Variants in PPP1R9A observed in about 807,000 individuals in gnomAD.
PPP1R9A encodes neurabin-1.
PPP1R9A carries 59 observed loss-of-function variants against 141.9 expected under a neutral mutation model. The ratio of observed to expected loss-of-function variants is 0.42; its 90% CI spans 0.34 to 0.52. PPP1R9A has a LOEUF of 0.52. Among genes scored for constraint, PPP1R9A ranks in the 20% least tolerant of loss-of-function variants. The pLI, the probability that PPP1R9A is intolerant of heterozygous loss-of-function variation, is 0.10. For missense variants in PPP1R9A, 1,444 were observed against 1,611.9 expected (o/e 0.90, Z 1.78); for synonymous variants, 500 against 569.7 (o/e 0.88, Z 1.74).
At chr7:94,918,082 T>C (rs1212426037) in intron 2 of PPP1R9A, among the ~76,000 whole-genome samples, 1 of 152,248 alleles carries the variant, frequency 6.6e-6, no homozygotes, top group Non-Finnish European at 1.5e-5. Flanking sequence ...CTTGATTTTC[T>C]ATGCTCTCAT....
chr7:94,978,535 A>G (rs767140666), intron 2 of PPP1R9A, among the ~76,000 whole-genome samples: 10 of 152,178 alleles, frequency 6.6e-5, no homozygotes, highest in Non-Finnish European at 1.5e-4. Flanking sequence ...AAAATTTTAC[A>G]TTGCCAATTC....
intron 2 of PPP1R9A, among the ~76,000 whole-genome samples, chr7:95,064,617 A>G (rs1191662737): frequency 6.6e-6 from 1 of 152,244 alleles, no homozygotes; most frequent in Non-Finnish European, 1.5e-5. Context: ...GGCAACTCAA[A>G]GTTTTTGTCA....
At position 95,012,991 on chromosome 7, in the gene PPP1R9A, G is replaced by T. The variant is rs1366635481; in HGVS notation, c.1396-98268G>T. Among the ~76,000 whole-genome samples the T allele has an allele frequency of 2.0e-5, 3 of 152,238 alleles. No homozygotes were observed. In the East Asian group the frequency reaches 5.8e-4, roughly 29 times the overall value. On this transcript the variant is annotated intron_variant, in intron 2 of 19. Transcript: ENST00000433360. ...CCCTTCCATTTTTTTTGTATATGTA[G>T]TAGGTTTTATTGAAGAGTTGGGAAG...
intron 2 of PPP1R9A, among the ~76,000 whole-genome samples, chr7:95,091,659 T>C (rs921588452): frequency 6.6e-6 from 1 of 151,866 alleles, no homozygotes; most frequent in Non-Finnish European, 1.5e-5. Flanking sequence ...TCTTTGTAGA[T>C]GAAAAATTAC....
intron 7 of PPP1R9A, among the ~76,000 whole-genome samples, chr7:95,204,990 G>A (rs1213474750): frequency 3.0e-5 from 4 of 131,588 alleles, no homozygotes; most frequent in African/African-American, 5.7e-5. Flanking sequence ...CACCACAGAC[G>A]CACACACCAT....
chr7:95,251,993 T>G lies in PPP1R9A; in HGVS notation c.2528T>G (p.Leu843Arg), dbSNP rs199641277. 6.2e-6 allele frequency: 10 copies of G among 1,609,572 alleles called. No homozygotes were observed. The highest frequency in any genetic ancestry group is 8.5e-6 in the Non-Finnish European group (10 of 1,178,920). ...TTGGAAGCTGAGGTATTCAGGCTAC[T>G]GAAGCAAAATGGGACTCAAGTTAAC... ...RDLEAEVFRL[L>R]KQNGTQVNNN... The change falls in exon 12 of 20, where the codon CTG (leucine) becomes CGG (arginine). Residue 843 changes from leucine to arginine, a missense_variant. Transcript: ENST00000433360.
intron 5 of PPP1R9A, among the ~76,000 whole-genome samples, chr7:95,192,738 C>T (rs972352994): frequency 6.6e-6 from 1 of 152,002 alleles, no homozygotes; most frequent in African/African-American, 2.4e-5. Context: ...GTTGGTTTTC[C>T]CTTTTACTTA....
In PPP1R9A at chr7:95,198,485, G is replaced by T; in HGVS notation, c.1890+1G>T. On this transcript the variant is annotated splice_donor_variant, in intron 6 of 19. Coordinates refer to ENST00000433360, the MANE Select transcript of PPP1R9A (RefSeq NM_001166160.2). LOFTEE classifies it high-confidence loss of function. ...CCAGTATGATGCCGACGATGACGAG[G>T]TCAGTAGTGCTTGCAAAGATTCTTT... 1 of 1,556,198 alleles carries T rather than the reference G, an allele frequency of 6.4e-7. No homozygotes were observed. Among genetic ancestry groups the T allele is most frequent in the Non-Finnish European group, 8.7e-7 (1 of 1,153,038 alleles).
chr7:94,911,393 G>C lies in PPP1R9A; in HGVS notation c.1280G>C (p.Ser427Thr). ...TGTEQDEEEDSDENSYYQPDM... is the reference protein window; with the variant it reads ...TGTEQDEEEDTDENSYYQPDM... ...ACTGAGCAGGATGAGGAGGAAGATA[G>C]TGATGAGAACAGTTACTATCAGCCT... The change falls in exon 2 of 20, where the codon AGT (serine) becomes ACT (threonine). Residue 427 changes from serine (S) to threonine (T), a missense_variant. By Grantham distance (58) the Ser-to-Thr change is moderately conservative (BLOSUM62 1). Around this residue, in one of 5 missense-constraint regions of PPP1R9A, gnomAD observed 490 missense variants for 521.1 expected, o/e 0.94. Coordinates refer to ENST00000433360, the MANE Select transcript of PPP1R9A (RefSeq NM_001166160.2). 1.2e-6 allele frequency: 2 copies of C among 1,614,108 alleles called. No individual in the cohort carries two copies. Among genetic ancestry groups the C allele is most frequent in the Non-Finnish European group, 1.7e-6 (2 of 1,179,974 alleles).
chr7:95,164,383 A>G (rs892622273), intron 5 of PPP1R9A, among the ~76,000 whole-genome samples: 1 of 151,486 alleles, frequency 6.6e-6, no homozygotes. Context: ...CCTTTATAGT[A>G]TTTTCTTTTT....
rs1485009442 is a variant in PPP1R9A, at chr7:95,080,394, A to T, written c.1396-30865A>T. On this transcript the variant is annotated intron_variant, in intron 2 of 19. Coordinates refer to ENST00000433360, the MANE Select transcript of PPP1R9A (RefSeq NM_001166160.2). Reference sequence around the variant, plus strand: ...ATCCAACTTACAAGGGACGTGAAGGACCTCTTCAAGGAGAACTACAAACCA... The same window carrying T: ...ATCCAACTTACAAGGGACGTGAAGGTCCTCTTCAAGGAGAACTACAAACCA... Among the ~76,000 whole-genome samples, 4 of 151,842 alleles carry T rather than the reference A, an allele frequency of 2.6e-5. No homozygotes were observed. In the South Asian group the frequency reaches 8.3e-4, roughly 32 times the overall value.
chr7:95,278,565 C>G (rs912358214), intron 16 of PPP1R9A, among the ~76,000 whole-genome samples: 1 of 152,028 alleles, frequency 6.6e-6, no homozygotes, highest in African/African-American at 2.4e-5. Context: ...CCCCATTATT[C>G]AGTTGGTCTA....
intron 5 of PPP1R9A, among the ~76,000 whole-genome samples, chr7:95,173,390 T>C (rs1429411288): frequency 6.6e-6 from 1 of 151,754 alleles, no homozygotes; most frequent in Non-Finnish European, 1.5e-5. Flanking sequence ...ATGCAATATA[T>C]CCATGTAACA....
chr7:95,201,214 A>T (rs1789502629), intron 6 of PPP1R9A, among the ~76,000 whole-genome samples: 1 of 148,834 alleles, frequency 6.7e-6, no homozygotes, highest in African/African-American at 2.6e-5. Flanking sequence ...TTTTTTAATT[A>T]GTTTAGCTTT....
At chr7:94,979,209 T>C (rs1382962949) in intron 2 of PPP1R9A, among the ~76,000 whole-genome samples, 3 of 152,246 alleles carry the variant, frequency 2.0e-5, no homozygotes, top group African/African-American at 7.2e-5. Context: ...TTTACTTGTT[T>C]GAGCAAACTC....
intron 5 of PPP1R9A, among the ~76,000 whole-genome samples, chr7:95,175,808 C>T (rs1832816102): frequency 6.6e-6 from 1 of 152,114 alleles, no homozygotes. Flanking sequence ...ATAACTTTGA[C>T]AGGGAACCAT....
At chr7:94,915,673 G>T (rs764533738) in intron 2 of PPP1R9A, among the ~76,000 whole-genome samples, 1 of 152,188 alleles carries the variant, frequency 6.6e-6, no homozygotes, top group Non-Finnish European at 1.5e-5. Flanking sequence ...AACCAGGTTG[G>T]AAGGACCACG....
intron 3 of PPP1R9A, among the ~76,000 whole-genome samples, chr7:95,116,499 A>G (rs2152466039): frequency 6.6e-6 from 1 of 152,304 alleles, no homozygotes; most frequent in Middle Eastern, 3.4e-3. Flanking sequence ...CCAAAACAAC[A>G]AAATATTTAT....
At chr7:95,051,115 A>AT (rs1435691640) in intron 2 of PPP1R9A, among the ~76,000 whole-genome samples, 1 of 150,494 alleles carries the variant, frequency 6.6e-6, no homozygotes, top group African/African-American at 2.4e-5. Flanking sequence ...TAAGTCTGTG[A>AT]TTCATTTTTA....
Sources: allele counts gnomAD v4.1 joint callset (sites outside exome capture counted in the v4.1 genomes callset), GRCh38; gene constraint gnomAD v4.1.1; regional missense constraint gnomAD v4.1.1; transcripts MANE v1.5; gene names NCBI Gene and HGNC (gene_info 2026-07-23, HGNC 2026-07-21).